The following LRRC7 variants were observed in gnomAD, a reference collection of about 807,000 sequenced individuals.
LRRC7 encodes the protein leucine rich repeat containing 7.
Under a neutral mutation model 175.7 loss-of-function variants are expected in LRRC7, and 23 were observed. That is an observed-to-expected ratio of 0.13 (90% CI 0.09 to 0.19). The LOEUF is 0.19. Among genes scored for constraint, LRRC7 ranks in the 10% least tolerant of loss-of-function variants. LRRC7 has a pLI of 1.00. For missense variants in LRRC7, 1,354 were observed against 1,904.7 expected (o/e 0.71, Z 5.38); for synonymous variants, 685 against 680.9 (o/e 1.01, Z -0.09).
Position 70,089,723 on chromosome 1 carries a change from A to G in LRRC7, c.4453-4A>G, listed in dbSNP as rs964903149. 13 of 1,577,898 alleles carry G rather than the reference A, an allele frequency of 8.2e-6. No individual in the cohort carries two copies. Among genetic ancestry groups the G allele is most frequent in the Admixed American group, 3.5e-5 (2 of 57,350 alleles). ...ACTTACCATTTTATATCTTTTTTAC[A>G]TAGTTTTGTGTGAGAATAGAAAAGA... is the stretch of plus-strand genomic sequence containing the variant. On this transcript the variant is annotated splice_polypyrimidine_tract_variant and splice_region_variant and intron_variant, in intron 24 of 26. Coordinates refer to ENST00000651989, the MANE Select transcript of LRRC7 (RefSeq NM_001370785.2).
chr1:69,944,676 T>A (rs1453469179), intron 8 of LRRC7, among the ~76,000 whole-genome samples: 1 of 152,098 alleles, frequency 6.6e-6, no homozygotes, highest in Non-Finnish European at 1.5e-5. Flanking sequence ...ACTTATTATT[T>A]TGGTTTTTTT....
chr1:69,698,822 T>A (rs1662958118), intron 2 of LRRC7, among the ~76,000 whole-genome samples: 1 of 152,214 alleles, frequency 6.6e-6, no homozygotes, highest in Non-Finnish European at 1.5e-5. Context: ...GGTCTCAATG[T>A]TGTTGTTAGA....
intron 1 of LRRC7, among the ~76,000 whole-genome samples, chr1:69,574,094 G>A (rs1268902041): frequency 1.3e-5 from 2 of 152,070 alleles, no homozygotes; most frequent in Non-Finnish European, 2.9e-5. Flanking sequence ...TGGAACTCTA[G>A]GATACTTGTG....
intron 1 of LRRC7, among the ~76,000 whole-genome samples, chr1:69,673,719 A>G (rs1318983710): frequency 6.6e-6 from 1 of 152,206 alleles, no homozygotes; most frequent in Non-Finnish European, 1.5e-5. Flanking sequence ...TATTAACTTC[A>G]TTTTAAGTAT....
chr1:69,680,290 A>G (rs1158173407), intron 2 of LRRC7, among the ~76,000 whole-genome samples: 1 of 152,164 alleles, frequency 6.6e-6, no homozygotes, highest in East Asian at 1.9e-4. Context: ...AGGTAAAATG[A>G]TTGACATCAG....
rs11805761 is a variant in LRRC7, at chr1:69,660,463, C to A, written c.3-17918C>A. On this transcript the variant is annotated intron_variant, in intron 1 of 26. Transcript: ENST00000651989. Reference sequence around the variant, plus strand: ...ACCTCAACAATGAATTCGGCAAAAACGTAGATAAAAGCCGATGTTAGATGT... The same window carrying A: ...ACCTCAACAATGAATTCGGCAAAAAAGTAGATAAAAGCCGATGTTAGATGT... Among the ~76,000 whole-genome samples the A allele has an allele frequency of 3.8e-3, 579 of 151,928 alleles. 5 individuals carry two copies. The highest frequency in any genetic ancestry group is 0.013 in the African/African-American group (552 of 41,452).
At chr1:69,913,911 G>C (rs1185599159) in intron 7 of LRRC7, among the ~76,000 whole-genome samples, 2 of 152,132 alleles carry the variant, frequency 1.3e-5, no homozygotes, top group African/African-American at 4.8e-5. Flanking sequence ...ATAATATGCA[G>C]TTTATTCAAA....
chr1:70,101,868 A>T (rs1664828567), intron 25 of LRRC7, among the ~76,000 whole-genome samples: 1 of 152,232 alleles, frequency 6.6e-6, no homozygotes, highest in South Asian at 2.1e-4. Flanking sequence ...TCTGTGATGC[A>T]TGAATCCACA....
At chr1:69,811,005 C>T (rs1031587740) in intron 4 of LRRC7, among the ~76,000 whole-genome samples, 10 of 151,734 alleles carry the variant, frequency 6.6e-5, no homozygotes, top group African/African-American at 2.4e-4. Flanking sequence ...AATGGGAAAA[C>T]ATTTTTGCAA....
At chr1:69,712,147 C>T (rs543761822) in intron 2 of LRRC7, among the ~76,000 whole-genome samples, 5 of 152,128 alleles carry the variant, frequency 3.3e-5, no homozygotes, top group East Asian at 1.9e-4. Flanking sequence ...CTCATAAAGT[C>T]GTTTAAAATA....
At chr1:69,963,430 A>G (rs922793822) in intron 8 of LRRC7, among the ~76,000 whole-genome samples, 1 of 152,118 alleles carries the variant, frequency 6.6e-6, no homozygotes, top group Non-Finnish European at 1.5e-5. Context: ...GCTGGAGGGA[A>G]CAGTGAAAGG....
chr1:69,720,622 T>TACATC, intron 2 of LRRC7, among the ~76,000 whole-genome samples: 1 of 115,586 alleles, frequency 8.7e-6, no homozygotes, highest in Middle Eastern at 4.4e-3. Context: ...TCCTGGAAAC[T>TACATC]TTCTGTGTTT....
At chr1:70,091,936 A>G (rs1664058406) in intron 25 of LRRC7, among the ~76,000 whole-genome samples, 1 of 152,154 alleles carries the variant, frequency 6.6e-6, no homozygotes, top group Non-Finnish European at 1.5e-5. Context: ...CCAAATCTAC[A>G]GAAGAATCTC....
At chr1:69,817,907 T>C (rs1202473230) in intron 4 of LRRC7, among the ~76,000 whole-genome samples, 1 of 152,162 alleles carries the variant, frequency 6.6e-6, no homozygotes, top group Non-Finnish European at 1.5e-5. Flanking sequence ...GTTTTATTTC[T>C]TTTTCACATA....
rs74767741 is a variant in LRRC7 at position 69,881,615 on chromosome 1, G to C, written c.647+43332G>C. On this transcript the variant is annotated intron_variant, in intron 7 of 26. Transcript: ENST00000651989. ...AAAGGCAGGCTGGGTATGGTGACTC[G>C]CACCTATAATCTCAGAACTTTAGGA... Among the ~76,000 whole-genome samples the C allele has an allele frequency of 9.4e-4, 143 of 151,992 alleles. 2 individuals carry two copies. In the East Asian group the frequency reaches 0.027, roughly 29 times the overall value.
intron 23 of LRRC7, among the ~76,000 whole-genome samples, chr1:70,074,261 C>A (rs1192696392): frequency 1.3e-5 from 2 of 151,824 alleles, no homozygotes; most frequent in African/African-American, 4.8e-5. Flanking sequence ...TCATGGATGC[C>A]CTCTCCTCCA....
In LRRC7 at chr1:70,127,351, A is replaced by G. The variant is rs758311074; in HGVS notation, c.*5464A>G. On this transcript the variant is annotated 3_prime_UTR_variant, in exon 27 of 27. Transcript: ENST00000651989. ...TAAGGATATAAATTGCACAGCTTCTACTTTGGAGAATTCAGAGATTTTTGA... is the reference window on the plus strand; with the variant it reads ...TAAGGATATAAATTGCACAGCTTCTGCTTTGGAGAATTCAGAGATTTTTGA... Among the ~76,000 whole-genome samples the G allele has an allele frequency of 1.1e-4, 17 of 152,190 alleles. No homozygotes were observed. Among genetic ancestry groups the G allele is most frequent in the Non-Finnish European group, 2.2e-4 (15 of 68,030 alleles).
At chr1:69,586,192 G>C (rs1166514954) in intron 1 of LRRC7, among the ~76,000 whole-genome samples, 1 of 152,138 alleles carries the variant, frequency 6.6e-6, no homozygotes, top group Admixed American at 6.5e-5. Context: ...CTACTTAAAA[G>C]ACTTCTTTCC....
chr1:69,793,855 A>C (rs138409527), intron 4 of LRRC7, among the ~76,000 whole-genome samples: 1 of 152,162 alleles, frequency 6.6e-6, no homozygotes, highest in Non-Finnish European at 1.5e-5. Context: ...GTTCCAAAAC[A>C]TGGAAAACTT....
Sources: gnomAD v4.1 joint callset for allele counts (sites outside exome capture counted in the v4.1 genomes callset) on GRCh38, gnomAD v4.1.1 for gene constraint, MANE v1.5 for transcripts, NCBI Gene and HGNC (gene_info 2026-07-23, HGNC 2026-07-21) for gene names.